NRG3: variants seen among roughly 807,000 people sequenced by gnomAD.
NRG3 encodes neuregulin 3.
NRG3 carries 31 observed loss-of-function variants against 66.9 expected under a neutral mutation model. The ratio of observed to expected loss-of-function variants is 0.46; its 90% confidence interval spans 0.35 to 0.63. NRG3 has a LOEUF of 0.63. Ranked by LOEUF, NRG3 falls within the 20% of genes least tolerant of loss-of-function variation. The probability of loss-of-function intolerance (pLI) is 0.00; values close to 1 mark genes in which losing one functional copy is unlikely to be tolerated. For synonymous variants in NRG3, 393 were observed against 359.4 expected (o/e 1.09, Z -1.06); for missense variants, 910 against 878.9 (o/e 1.04, Z -0.45).
In NRG3 at chr10:82,698,072, T is replaced by A. The variant is rs76290260; in HGVS notation, c.954-40505T>A. 4.1e-4 allele frequency among the ~76,000 whole-genome samples: 63 copies of A among 152,316 alleles called. 2 individuals carry two copies. The East Asian group carries it at 0.011, about 27-fold the overall frequency. The stretch of plus-strand genomic sequence containing the variant: ...GAACTGTATTTCTGTAGCTGTTTTT[T>A]AAAAATATTATCTAATAACCTCCTA... On this transcript the variant is annotated intron_variant, in intron 2 of 8. Transcript: ENST00000372141.
intron 2 of NRG3, among the ~76,000 whole-genome samples, chr10:82,430,270 T>C (rs2136315555): frequency 6.6e-6 from 1 of 152,258 alleles, no homozygotes; most frequent in Non-Finnish European, 1.5e-5. Context: ...TTTTTTGTTT[T>C]TTTTTGAGAT....
intron 2 of NRG3, among the ~76,000 whole-genome samples, chr10:82,554,790 G>A (rs549805788): frequency 6.6e-6 from 1 of 152,272 alleles, no homozygotes; most frequent in African/African-American, 2.4e-5. Context: ...TGGATCTTGT[G>A]TAACCACTAA....
chr10:82,720,737 TAGA>T (rs2057246586), intron 2 of NRG3, among the ~76,000 whole-genome samples: 1 of 150,834 alleles, frequency 6.6e-6, no homozygotes, highest in South Asian at 2.1e-4. Context: ...CAGCAAGATG[TAGA>T]AGTTCTTTCT....
intron 2 of NRG3, among the ~76,000 whole-genome samples, chr10:82,446,031 T>C (rs950572662): frequency 3.3e-5 from 5 of 152,232 alleles, no homozygotes; most frequent in African/African-American, 9.6e-5. Flanking sequence ...CCCTCACTTG[T>C]GATACCAAGT....
chr10:82,340,336 C>T (rs867746745), intron 1 of NRG3, among the ~76,000 whole-genome samples: 1 of 152,192 alleles, frequency 6.6e-6, no homozygotes, highest in Non-Finnish European at 1.5e-5. Flanking sequence ...GCCCTCTCCA[C>T]GAACTCTCCT....
intron 1 of NRG3, among the ~76,000 whole-genome samples, chr10:82,008,489 T>C: frequency 6.6e-6 from 1 of 152,232 alleles, no homozygotes. Context: ...TGAATGTCCC[T>C]ATTTGGAAGG....
chr10:82,023,822 T>G (rs1411170848), intron 1 of NRG3, among the ~76,000 whole-genome samples: 1 of 152,034 alleles, frequency 6.6e-6, no homozygotes, highest in Non-Finnish European at 1.5e-5. Context: ...CTTCTTTTGT[T>G]GTGTCTGTGT....
intron 1 of NRG3, among the ~76,000 whole-genome samples, chr10:81,952,080 G>A (rs572342844): frequency 3.9e-5 from 6 of 152,086 alleles, no homozygotes; most frequent in African/African-American, 7.2e-5. Flanking sequence ...ATCACACACC[G>A]GGGCCTGTTG....
At chr10:81,943,191 G>A (rs1416993993) in intron 1 of NRG3, among the ~76,000 whole-genome samples, 2 of 151,714 alleles carry the variant, frequency 1.3e-5, no homozygotes, top group Non-Finnish European at 2.9e-5. Context: ...AGACTAGCCT[G>A]GACAACATAG....
intron 3 of NRG3, among the ~76,000 whole-genome samples, chr10:82,807,056 T>C (rs551795023): frequency 5.3e-5 from 8 of 152,352 alleles, no homozygotes; most frequent in Non-Finnish European, 1.0e-4. Flanking sequence ...AATTGGTTAT[T>C]GGACATAAAT....
intron 2 of NRG3, among the ~76,000 whole-genome samples, chr10:82,666,433 C>T (rs753268216): frequency 4.6e-5 from 7 of 152,178 alleles, no homozygotes; most frequent in Non-Finnish European, 7.3e-5. Context: ...AGGTATGCTT[C>T]TCAGAGTGAG....
chr10:82,527,415 T>C (rs201465530), intron 2 of NRG3, among the ~76,000 whole-genome samples: 2 of 152,166 alleles, frequency 1.3e-5, no homozygotes, highest in African/African-American at 4.8e-5. Flanking sequence ...ATAGTGGCTG[T>C]TTGCACACAG....
chr10:82,069,508 A>G (rs2064679432), intron 1 of NRG3, among the ~76,000 whole-genome samples: 2 of 152,174 alleles, frequency 1.3e-5, no homozygotes, highest in Admixed American at 6.6e-5. Flanking sequence ...GAGAAAAATG[A>G]GGTTTAGAGA....
chr10:82,216,528 ATGTG>A (rs200972782), intron 1 of NRG3, among the ~76,000 whole-genome samples: 2,007 of 141,012 alleles, frequency 0.014, 37 homozygotes, highest in African/African-American at 0.05. Context: ...ATGCACATAT[ATGTG>A]TGTGTGTACA....
chr10:81,998,187 A>G (rs1016000311), intron 1 of NRG3, among the ~76,000 whole-genome samples: 1 of 152,210 alleles, frequency 6.6e-6, no homozygotes, highest in African/African-American at 2.4e-5. Flanking sequence ...TTTAAGAAGT[A>G]ATACACATGG....
intron 1 of NRG3, among the ~76,000 whole-genome samples, chr10:81,963,690 C>T (rs1028815932): frequency 1.3e-5 from 2 of 152,170 alleles, no homozygotes; most frequent in Admixed American, 6.5e-5. Context: ...ACGGGACACA[C>T]GTCCACTTTC....
chr10:82,667,412 GT>G (rs1231101509), intron 2 of NRG3, among the ~76,000 whole-genome samples: 1 of 152,028 alleles, frequency 6.6e-6, no homozygotes. Flanking sequence ...ATGTTAATGT[GT>G]TTTTTTCCAG....
chr10:82,078,816 GA>G (rs2065232413), intron 1 of NRG3, among the ~76,000 whole-genome samples: 1 of 152,180 alleles, frequency 6.6e-6, no homozygotes, highest in Non-Finnish European at 1.5e-5. Context: ...GTATTTTGCA[GA>G]AATTAAGTTG....
At chr10:82,728,050 T>C (rs1321796596) in intron 2 of NRG3, among the ~76,000 whole-genome samples, 3 of 152,178 alleles carry the variant, frequency 2.0e-5, no homozygotes, top group Non-Finnish European at 4.4e-5. Context: ...CCAATGCCTG[T>C]GCCCCCAGTG....
Sources: gnomAD v4.1 joint callset for allele counts (sites outside exome capture counted in the v4.1 genomes callset) on GRCh38, gnomAD v4.1.1 for gene constraint, MANE v1.5 for transcripts, NCBI Gene and HGNC (gene_info 2026-07-23, HGNC 2026-07-21) for gene names.